CARNMT1: variants seen among roughly 807,000 people sequenced by gnomAD.
The protein encoded by CARNMT1 is protein-L-histidine N-pros-methyltransferase CARNMT1.
In CARNMT1, 28 loss-of-function variants were observed where a neutral mutation model predicts 49.6. That is an observed-to-expected ratio of 0.56 (90% CI 0.42 to 0.77). The LOEUF is 0.77. CARNMT1 is among the 30% of genes least tolerant of loss of function. The pLI is 0.00. For synonymous variants in CARNMT1, 178 were observed against 175.0 expected (o/e 1.02, Z -0.13); for missense variants, 421 against 512.6 (o/e 0.82, Z 1.73).
At position 75,018,516 on chromosome 9, in the gene CARNMT1, T is replaced by G. The variant is rs532746238; in HGVS notation, c.231-1068A>C. On this transcript the variant is annotated intron_variant, in intron 1 of 7. Transcript: ENST00000376834. ...AGGACATTTACACACTAATGGTAAG[T>G]GCATACATCAGCGCAACCACTTTGG... Among the ~76,000 whole-genome samples the G allele has an allele frequency of 1.5e-4, 23 of 152,342 alleles. No individual in the cohort carries two copies. The South Asian group carries it at 1.9e-3, about 12-fold the overall frequency.
chr9:74,989,287 T>G (rs949134074), intron 6 of CARNMT1, among the ~76,000 whole-genome samples: 3 of 150,246 alleles, frequency 2.0e-5, no homozygotes, highest in Non-Finnish European at 4.4e-5. Flanking sequence ...ATTTTTAAAC[T>G]TTTTTTTTAG....
At chr9:75,002,353 G>T (rs1833384446) in intron 3 of CARNMT1, among the ~76,000 whole-genome samples, 1 of 152,148 alleles carries the variant, frequency 6.6e-6, no homozygotes, top group African/African-American at 2.4e-5. Flanking sequence ...GACCCCTAGT[G>T]GTAGAAGTAA....
chr9:75,023,077 G>A (rs1822421339), intron 1 of CARNMT1, among the ~76,000 whole-genome samples: 1 of 151,678 alleles, frequency 6.6e-6, no homozygotes, highest in Non-Finnish European at 1.5e-5. Context: ...GGGAGGCAGA[G>A]GTTGCAGTGA....
intron 3 of CARNMT1, among the ~76,000 whole-genome samples, chr9:75,011,289 G>A (rs563507184): frequency 2.0e-5 from 3 of 152,240 alleles, no homozygotes; most frequent in South Asian, 4.2e-4. Flanking sequence ...GTGCTCCCAC[G>A]CTCCCTACCT....
At chr9:74,995,410 A>C (rs1420466559) in intron 6 of CARNMT1, among the ~76,000 whole-genome samples, 1 of 152,224 alleles carries the variant, frequency 6.6e-6, no homozygotes, top group African/African-American at 2.4e-5. Flanking sequence ...AATACCCAGT[A>C]GGTAATATCT....
At position 75,002,008 on chromosome 9, in the gene CARNMT1, A is replaced by C. The variant is rs182602234; in HGVS notation, c.591-2138T>G. Among the ~76,000 whole-genome samples, 89 of 152,330 alleles carry C rather than the reference A, an allele frequency of 5.8e-4. 1 individual carries two copies. In the East Asian group the frequency reaches 0.013, roughly 22 times the overall value. On this transcript the variant is annotated intron_variant, in intron 3 of 7. Coordinates refer to ENST00000376834, the MANE Select transcript of CARNMT1 (RefSeq NM_152420.3). ...CTTAGTGAAAACAAGCAAGCCAACA[A>C]GTTTACCTAGTTAATAAGGCCCAAA...
intron 6 of CARNMT1, among the ~76,000 whole-genome samples, chr9:74,994,256 A>G (rs965493520): frequency 2.0e-5 from 3 of 152,240 alleles, no homozygotes; most frequent in African/African-American, 7.2e-5. Flanking sequence ...TCCAGTCATC[A>G]GAACTGTGAG....
At chr9:75,027,915 G>T in intron 1 of CARNMT1, 97 bp downstream of exon 1, 1 of 1,335,488 alleles carries the variant, frequency 7.5e-7, no homozygotes. Flanking sequence ...CCTCGGAGGC[G>T]TGGCGGCGGG....
chr9:75,016,932 TAAGC>T (rs1833873567), intron 2 of CARNMT1: 1 of 386,926 alleles, frequency 2.6e-6, no homozygotes, highest in Non-Finnish European at 4.6e-6. Flanking sequence ...AAATATGAGT[TAAGC>T]AAGGGAAATT....
At position 74,998,629 on chromosome 9, in the gene CARNMT1, T is replaced by C. The variant is rs373965198; in HGVS notation, c.879A>G (p.Ala293=). Reference sequence around the variant, plus strand: ...CTGAATAAATCTCTTGAAAATCTCCTGCTGTCATAGAAAAGTTAGAACCAG... The same window carrying C: ...CTGAATAAATCTCTTGAAAATCTCCCGCTGTCATAGAAAAGTTAGAACCAG... The part of the protein sequence containing the change: ...LPPGSNFSMT[A]GDFQEIYSEC... The change falls in exon 5 of 8, where the codon GCA becomes GCG. Residue 293 remains alanine, a synonymous_variant. Coordinates refer to ENST00000376834, the MANE Select transcript of CARNMT1 (RefSeq NM_152420.3). 6.3e-7 allele frequency: 1 copy of C among 1,594,558 alleles called. No individual in the cohort carries two copies. The highest frequency in any genetic ancestry group is 1.4e-5 in the African/African-American group (1 of 73,904).
intron 1 of CARNMT1, 98 bp downstream of exon 1, chr9:75,027,914 C>A: frequency 7.6e-7 from 1 of 1,321,848 alleles, no homozygotes; most frequent in Non-Finnish European, 9.9e-7. Context: ...GCCTCGGAGG[C>A]GTGGCGGCGG....
In CARNMT1 at chr9:75,025,519, ACT is replaced by A. The variant is rs542398853; in HGVS notation, c.230+2491_230+2492del. On this transcript the variant is annotated intron_variant, in intron 1 of 7. Coordinates refer to ENST00000376834, the MANE Select transcript of CARNMT1 (RefSeq NM_152420.3). ...TTTGTGTAAGTTTTGATAAATTTTA[ACT>A]TTTTATAATAGATTTGTGTATATTT... Among the ~76,000 whole-genome samples, 1,244 of 152,248 alleles carry A rather than the reference ACT, an allele frequency of 8.2e-3. 16 individuals are homozygous for A. Among genetic ancestry groups the A allele is most frequent in the African/African-American group, 0.027 (1,132 of 41,526 alleles).
chr9:75,022,382 C>A (rs982523770), intron 1 of CARNMT1, among the ~76,000 whole-genome samples: 4 of 151,760 alleles, frequency 2.6e-5, no homozygotes. Flanking sequence ...CACCACCATG[C>A]CCGGCTAATT....
chr9:74,983,173 G>A lies in CARNMT1; in HGVS notation c.*594C>T, dbSNP rs1461019240. 1 of 151,926 alleles carries A rather than the reference G, an allele frequency of 6.6e-6. No homozygotes were observed. Among genetic ancestry groups the A allele is most frequent in the Non-Finnish European group, 1.5e-5 (1 of 68,032 alleles). The allele number at this position is 151,926 out of a possible 1,614,324, so 9.4% of individuals were successfully genotyped here. A position where few individuals can be genotyped will look rare whatever the true frequency, so the allele number is the denominator to read the frequency against. On this transcript the variant is annotated 3_prime_UTR_variant, in exon 8 of 8. Coordinates refer to ENST00000376834, the MANE Select transcript of CARNMT1 (RefSeq NM_152420.3). ...AAGGCAGGAAGATCGCTTGAGTCCA[G>A]GAGTTTGAGGTTACAGTGAGCTATG...
At position 74,999,932 on chromosome 9, in the gene CARNMT1, C is replaced by T. The variant is rs995622214; in HGVS notation, c.591-62G>A. On this transcript the variant is annotated intron_variant, in intron 3 of 7. Transcript: ENST00000376834. ...AAGAAAAAAAGGAAAAGACAAAATCCACATTAACAACTAAAAACTTACTCA... is the reference window on the plus strand; with the variant it reads ...AAGAAAAAAAGGAAAAGACAAAATCTACATTAACAACTAAAAACTTACTCA... 9.3e-6 allele frequency: 14 copies of T among 1,501,580 alleles called. No individual in the cohort carries two copies. In the South Asian group the frequency reaches 1.7e-4, roughly 18 times the overall value. 93.0% of individuals were successfully genotyped at this position (1,501,580 alleles called of 1,614,324 possible). A position where few individuals can be genotyped will look rare whatever the true frequency, so the allele number is the denominator to read the frequency against.
intron 3 of CARNMT1, among the ~76,000 whole-genome samples, chr9:75,014,639 G>A (rs1013672440): frequency 9.9e-5 from 15 of 152,188 alleles, no homozygotes; most frequent in South Asian, 8.3e-4. Context: ...AATTCAGGAG[G>A]TCTCCATATA....
chr9:75,010,968 A>T (rs534165461), intron 3 of CARNMT1, among the ~76,000 whole-genome samples: 11 of 152,212 alleles, frequency 7.2e-5, no homozygotes, highest in Non-Finnish European at 1.3e-4. Flanking sequence ...TGTTATATGC[A>T]ATTCACCTCA....
intron 3 of CARNMT1, among the ~76,000 whole-genome samples, chr9:75,015,474 T>TA (rs1344556119): frequency 2.0e-5 from 3 of 152,174 alleles, no homozygotes; most frequent in Non-Finnish European, 2.9e-5. Context: ...CATATGCACT[T>TA]AAATTTATTC....
intron 3 of CARNMT1, among the ~76,000 whole-genome samples, chr9:75,003,334 C>T (rs144133983): frequency 3.3e-5 from 5 of 152,340 alleles, no homozygotes; most frequent in Non-Finnish European, 2.9e-5. Context: ...TACCAAGGTT[C>T]TTCACTTCGC....
Sources: gnomAD v4.1 joint callset for allele counts (sites outside exome capture counted in the v4.1 genomes callset) on GRCh38, gnomAD v4.1.1 for gene constraint, MANE v1.5 for transcripts, NCBI Gene and HGNC (gene_info 2026-07-23, HGNC 2026-07-21) for gene names.